Variants in PARD3B observed in about 807,000 individuals in gnomAD.
The protein encoded by PARD3B is par-3 family cell polarity regulator beta, also known as partitioning defective 3 homolog B.
Under a neutral mutation model 130.2 loss-of-function variants are expected in PARD3B, and 103 were observed. The ratio of observed to expected loss-of-function variants is 0.79; its 90% CI spans 0.67 to 0.93. The LOEUF is 0.93. Among genes scored for constraint, PARD3B ranks in the 40% least tolerant of loss-of-function variants. The probability of loss-of-function intolerance (pLI) is 0.00; values close to 1 mark genes in which losing one functional copy is unlikely to be tolerated. For missense variants in PARD3B, 1,609 were observed against 1,499.2 expected, an observed-to-expected ratio of 1.07 and a Z score of -1.21; for synonymous variants, 583 against 553.2, an observed-to-expected ratio of 1.05 and a Z score of -0.76.
At chr2:204,837,794 T>C (rs2044102395) in intron 2 of PARD3B, among the ~76,000 whole-genome samples, 7 of 152,168 alleles carry the variant, frequency 4.6e-5, no homozygotes. Context: ...TTCCAGCCCT[T>C]GGCCATATGT....
chr2:204,996,507 G>A (rs897371269), intron 3 of PARD3B, among the ~76,000 whole-genome samples: 1 of 152,080 alleles, frequency 6.6e-6, no homozygotes, highest in African/African-American at 2.4e-5. Context: ...GGCCATTTAA[G>A]TCTGCAGAGG....
At chr2:205,339,662 T>C (rs1297280760) in intron 18 of PARD3B, among the ~76,000 whole-genome samples, 1 of 152,194 alleles carries the variant, frequency 6.6e-6, no homozygotes, top group Non-Finnish European at 1.5e-5. Context: ...TAAGCATAGA[T>C]GGAGTTCATA....
chr2:205,123,344 A>G (rs2030984400), intron 8 of PARD3B, among the ~76,000 whole-genome samples: 1 of 152,182 alleles, frequency 6.6e-6, no homozygotes, highest in African/African-American at 2.4e-5. Flanking sequence ...AAAGGTCAGG[A>G]TCTGGACTGG....
At chr2:205,206,467 T>G (rs1381884790) in intron 15 of PARD3B, among the ~76,000 whole-genome samples, 3 of 150,462 alleles carry the variant, frequency 2.0e-5, no homozygotes, top group Non-Finnish European at 4.4e-5. Context: ...ATATGTGGTG[T>G]TTGGTTTTCT....
intron 3 of PARD3B, among the ~76,000 whole-genome samples, chr2:204,991,700 A>C (rs1003617923): frequency 1.3e-3 from 189 of 150,886 alleles, no homozygotes; most frequent in East Asian, 1.0e-2. Context: ...CCAACAGTGT[A>C]AAAGTGTTCC....
intron 22 of PARD3B, among the ~76,000 whole-genome samples, chr2:205,581,277 T>G (rs201247987): frequency 1.6e-3 from 106 of 67,832 alleles, no homozygotes; most frequent in East Asian, 0.01. Flanking sequence ...GATAGATAGA[T>G]ATAGATATAT....
rs1207443581 is a variant in PARD3B at position 205,563,114 on chromosome 2, A to G, written c.3260+9711A>G. Reference sequence around the variant, plus strand: ...GCATGAATACATGATATTATTCAACAGGAGTAATTAACAGTAAAATCACTA... The same window carrying G: ...GCATGAATACATGATATTATTCAACGGGAGTAATTAACAGTAAAATCACTA... On this transcript the variant is annotated intron_variant, in intron 22 of 22. Coordinates refer to ENST00000406610, the MANE Select transcript of PARD3B (RefSeq NM_001302769.2). This position sits in a 1 kb window ranked among gnomAD's most constrained non-coding sequence, Gnocchi z 4.2. 6.6e-6 allele frequency among the ~76,000 whole-genome samples: 1 copy of G among 152,250 alleles called. No homozygotes were observed. The highest frequency in any genetic ancestry group is 1.5e-5 in the Non-Finnish European group (1 of 68,040).
rs1217126643 is a variant in PARD3B at position 204,906,966 on chromosome 2, A to G, written c.223-58186A>G. On this transcript the variant is annotated intron_variant, in intron 2 of 22. Coordinates refer to ENST00000406610, the MANE Select transcript of PARD3B (RefSeq NM_001302769.2). The surrounding 1 kb of genome is among the most constrained non-coding windows in gnomAD (Gnocchi z 4.3). ...GTAGAAGCAAAGATGCTGATTTTTA[A>G]GTGGAAAACATGAAAGCTTTTTTTT... Among the ~76,000 whole-genome samples the G allele has an allele frequency of 6.6e-6, 1 of 152,142 alleles. No homozygotes were observed. Among genetic ancestry groups the G allele is most frequent in the Non-Finnish European group, 1.5e-5 (1 of 68,016 alleles).
chr2:205,168,028 A>C (rs796219900), intron 11 of PARD3B, among the ~76,000 whole-genome samples: 21 of 152,316 alleles, frequency 1.4e-4, no homozygotes, highest in African/African-American at 4.8e-4. Context: ...GATTGAAACC[A>C]TGCCAGGACA....
chr2:204,736,658 A>G (rs915489374), intron 2 of PARD3B, among the ~76,000 whole-genome samples: 2 of 152,086 alleles, frequency 1.3e-5, no homozygotes, highest in African/African-American at 4.8e-5. Flanking sequence ...TATGTACCAC[A>G]TTTTCTTTAT....
At chr2:205,553,910 G>A (rs193258183) in intron 22 of PARD3B, among the ~76,000 whole-genome samples, 29 of 151,444 alleles carry the variant, frequency 1.9e-4, no homozygotes, top group Non-Finnish European at 4.3e-4. Context: ...GACCCAACGG[G>A]GGAAAGAAAC....
At chr2:205,367,820 G>A (rs2044665231) in intron 18 of PARD3B, among the ~76,000 whole-genome samples, 1 of 152,152 alleles carries the variant, frequency 6.6e-6, no homozygotes, top group Admixed American at 6.5e-5. Flanking sequence ...TTCTGTGTTT[G>A]AGTTTATGTG....
rs1000663033 is a variant in PARD3B at position 204,606,141 on chromosome 2, C to T, written c.120+60022C>T. On this transcript the variant is annotated intron_variant, in intron 1 of 22. Coordinates refer to ENST00000406610, the MANE Select transcript of PARD3B (RefSeq NM_001302769.2). The surrounding 1 kb of genome is among the most constrained non-coding windows in gnomAD (Gnocchi z 4.0). ...TGGTCAGGTTTTGTCTCTCCAACTC[C>T]GATATATGCTTCTTGAGGTCAATAC... Among the ~76,000 whole-genome samples the T allele has an allele frequency of 4.6e-5, 7 of 152,114 alleles. No homozygotes were observed. The highest frequency in any genetic ancestry group is 1.7e-4 in the African/African-American group (7 of 41,428).
At chr2:205,607,831 T>TACACCCACACACACACACACACAC (rs1553560828) in intron 22 of PARD3B, among the ~76,000 whole-genome samples, 1 of 116,188 alleles carries the variant, frequency 8.6e-6, no homozygotes, top group African/African-American at 4.1e-5. Context: ...CCAACACCCA[T>TACACCCACACACACACACACACAC]ACACACACAC....
intron 18 of PARD3B, among the ~76,000 whole-genome samples, chr2:205,361,759 G>T (rs1483437499): frequency 6.6e-6 from 1 of 152,092 alleles, no homozygotes; most frequent in Non-Finnish European, 1.5e-5. Flanking sequence ...TGGCCACATA[G>T]GATCAGTTTT....
intron 18 of PARD3B, among the ~76,000 whole-genome samples, chr2:205,398,467 C>T (rs2046115131): frequency 6.6e-6 from 1 of 152,058 alleles, no homozygotes; most frequent in South Asian, 2.1e-4. Context: ...GGGATGATAG[C>T]ATTAGAGCTG....
intron 18 of PARD3B, among the ~76,000 whole-genome samples, chr2:205,312,847 A>G (rs542289380): frequency 6.6e-6 from 1 of 152,326 alleles, no homozygotes; most frequent in African/African-American, 2.4e-5. Flanking sequence ...GCCTGGGCCC[A>G]GAATACTACT....
At chr2:205,513,091 T>C (rs7576084) in intron 21 of PARD3B, among the ~76,000 whole-genome samples, 71,960 of 151,558 alleles carry the variant, frequency 0.47, 18,193 homozygotes, top group Middle Eastern at 0.66. Flanking sequence ...AGCAGCAATG[T>C]ACAATATGTG....
rs2036483669 is a variant in PARD3B, at chr2:204,675,252, TG to T, written c.121-10928del. On this transcript the variant is annotated intron_variant, in intron 1 of 22. Transcript: ENST00000406610. This position sits in a 1 kb window ranked among gnomAD's most constrained non-coding sequence, Gnocchi z 4.4. ...GTTCAGTGTTTTACGTCTTTCATACTGAGAATTGTTTTTAAATGGATTAAAT... is the reference window on the plus strand; with the variant it reads ...GTTCAGTGTTTTACGTCTTTCATACTAGAATTGTTTTTAAATGGATTAAAT... Among the ~76,000 whole-genome samples the T allele has an allele frequency of 1.3e-5, 2 of 152,288 alleles. No individual in the cohort carries two copies. Among genetic ancestry groups the T allele is most frequent in the South Asian group, 4.1e-4 (2 of 4,834 alleles).
Sources: allele counts gnomAD v4.1 joint callset (sites outside exome capture counted in the v4.1 genomes callset), GRCh38; gene constraint gnomAD v4.1.1; non-coding constraint Gnocchi (gnomAD v3.1); transcripts MANE v1.5; gene names NCBI Gene and HGNC (gene_info 2026-07-23, HGNC 2026-07-21).